Variants in PIEZO1 observed in about 807,000 individuals in gnomAD.
PIEZO1 encodes piezo type mechanosensitive ion channel component 1 (Er blood group).
In PIEZO1, 296 loss-of-function variants were observed where a neutral mutation model predicts 297.2. The observed-to-expected ratio is 1.00, with a 90% CI of 0.91 to 1.10. PIEZO1 has a LOEUF of 1.10. Among genes scored for constraint, PIEZO1 ranks in the 50% least tolerant of loss-of-function variants. The pLI is 0.00. For missense variants in PIEZO1, 5,018 were observed against 3,455.5 expected (o/e 1.45, Z -11.34); for synonymous variants, 2,427 against 1,507.5 (o/e 1.61, Z -14.13).
intron 1 of PIEZO1, 40 bp downstream of exon 1, chr16:88,784,861 G>GC: frequency 7.4e-7 from 1 of 1,352,304 alleles, no homozygotes; most frequent in South Asian, 1.3e-5. Flanking sequence ...CCGAGACGCA[G>GC]CCCCCTCCCG....
intron 1 of PIEZO1, among the ~76,000 whole-genome samples, chr16:88,776,904 G>C (rs542649378): frequency 6.6e-6 from 1 of 152,226 alleles, no homozygotes; most frequent in African/African-American, 2.4e-5. Context: ...GGAGATCTGG[G>C]CCCGGCTCAC....
chr16:88,778,469 G>A (rs1013260007), intron 1 of PIEZO1, among the ~76,000 whole-genome samples: 7 of 152,240 alleles, frequency 4.6e-5, no homozygotes, highest in African/African-American at 1.2e-4. Flanking sequence ...AATACTCCCT[G>A]TAATTATGCT....
chr16:88,736,466 A>C, intron 11 of PIEZO1, 58 bp from the exon 12 acceptor site: 1 of 1,177,542 alleles, frequency 8.5e-7, no homozygotes. Context: ...GCGATGCCCC[A>C]CACCTGCGCG....
chr16:88,741,255 A>C (rs1905633101), intron 5 of PIEZO1: 1 of 500,066 alleles, frequency 2.0e-6, no homozygotes, highest in Non-Finnish European at 3.6e-6. Flanking sequence ...CGGGGCGTGG[A>C]GGTTTCTGAC....
At chr16:88,776,569 G>A (rs1567489161) in intron 1 of PIEZO1, among the ~76,000 whole-genome samples, 2 of 152,228 alleles carry the variant, frequency 1.3e-5, no homozygotes, top group African/African-American at 2.4e-5. Flanking sequence ...CATCTAGGAG[G>A]GGAGGAAGGG....
At position 88,732,424 on chromosome 16, in the gene PIEZO1, C is replaced by G. The variant is rs1032709243; in HGVS notation, c.2902G>C (p.Ala968Pro). The G allele has an allele frequency of 1.9e-6, 3 of 1,549,762 alleles. No individual in the cohort carries two copies. The highest frequency in any genetic ancestry group is 2.4e-5 in the East Asian group (1 of 40,920). Residue 968 changes from alanine to proline, a missense_variant, in exon 21 of 51, where the codon GCC becomes CCC. Transcript: ENST00000301015. Reference sequence around the variant, plus strand: ...TCCAGCTGCTGGCGGGTGCCGCTGGCAAACACGGCCTGGGCAGGCAGCGGG... The same window carrying G: ...TCCAGCTGCTGGCGGGTGCCGCTGGGAAACACGGCCTGGGCAGGCAGCGGG... ...LAPLPAQAVFASGTRQQLDQD... is the reference protein window; with the variant it reads ...LAPLPAQAVFPSGTRQQLDQD...
At chr16:88,736,822 G>C in intron 10 of PIEZO1, 83 bp from the exon 11 acceptor site, 2 of 857,256 alleles carry the variant, frequency 2.3e-6, no homozygotes, top group Non-Finnish European at 1.8e-6. Flanking sequence ...TCTGGGCCCT[G>C]GGCAAGCACA....
chr16:88,745,202 T>G (rs1490250333), intron 2 of PIEZO1: 1 of 152,090 alleles, frequency 6.6e-6, no homozygotes, highest in African/African-American at 2.4e-5. Flanking sequence ...GTGGGTCTCC[T>G]GCCCCCGACT....
At chr16:88,744,881 G>T (rs953132032) in intron 2 of PIEZO1, among the ~76,000 whole-genome samples, 11 of 152,100 alleles carry the variant, frequency 7.2e-5, no homozygotes, top group African/African-American at 2.4e-4. Context: ...GCTGGAGATG[G>T]GAGGGGGCCG....
chr16:88,746,174 G>A (rs1259686081), intron 2 of PIEZO1, among the ~76,000 whole-genome samples: 1 of 152,206 alleles, frequency 6.6e-6, no homozygotes, highest in African/African-American at 2.4e-5. Flanking sequence ...GCGGGGTAGG[G>A]CCACGAGAGG....
chr16:88,751,354 G>A (rs1567684392), intron 1 of PIEZO1, among the ~76,000 whole-genome samples: 1 of 152,218 alleles, frequency 6.6e-6, no homozygotes, highest in African/African-American at 2.4e-5. Context: ...AGGGTCAGGG[G>A]CACACGGCAA....
intron 1 of PIEZO1, among the ~76,000 whole-genome samples, chr16:88,763,302 C>T (rs1421206287): frequency 6.6e-6 from 1 of 152,224 alleles, no homozygotes; most frequent in African/African-American, 2.4e-5. Flanking sequence ...CGGCCCAAGG[C>T]AGAAGCTGGA....
In PIEZO1 at chr16:88,738,306, C is replaced by G. The variant is rs751840512; in HGVS notation, c.769G>C (p.Ala257Pro). ...RLCVAVGCFGAGHLICLYCYQ... is the reference protein window; with the variant it reads ...RLCVAVGCFGPGHLICLYCYQ... Reference sequence around the variant, plus strand: ...CAGTAGAGGCAGATGAGATGGCCGGCGCCGAAGCACCCCACCGCGACGCAG... The same window carrying G: ...CAGTAGAGGCAGATGAGATGGCCGGGGCCGAAGCACCCCACCGCGACGCAG... The change falls in exon 7 of 51, where the codon GCC becomes CCC. Residue 257 changes from alanine to proline, a missense_variant. Transcript: ENST00000301015. 2 of 1,535,750 alleles carry G rather than the reference C, an allele frequency of 1.3e-6. No individual in the cohort carries two copies. The highest frequency in any genetic ancestry group is 4.9e-5 in the East Asian group (2 of 40,934).
At chr16:88,716,529 C>G (rs1440117842) in intron 47 of PIEZO1, 30 bp downstream of exon 47, 3 of 1,536,898 alleles carry the variant, frequency 2.0e-6, no homozygotes, top group Middle Eastern at 3.4e-4. Flanking sequence ...GGTCCACCCA[C>G]CCAGGCACTG....
intron 1 of PIEZO1, among the ~76,000 whole-genome samples, chr16:88,752,730 G>A (rs150644067): frequency 6.6e-6 from 1 of 152,068 alleles, no homozygotes; most frequent in South Asian, 2.1e-4. Flanking sequence ...GAGGACGATG[G>A]GGGCATGGGA....
rs1905737307 is a variant in PIEZO1 at position 88,742,363 on chromosome 16, G to A, written c.220C>T (p.His74Tyr). Reference protein sequence around the residue: ...LGLSLLFLVAHLALQICLHIV... With the variant: ...LGLSLLFLVAYLALQICLHIV... Reference sequence around the variant, plus strand: ...TGCAGGCAGATCTGGAGGGCGAGATGGGCCACCAGGAAGAGCAGGCTGAGG... The same window carrying A: ...TGCAGGCAGATCTGGAGGGCGAGATAGGCCACCAGGAAGAGCAGGCTGAGG... Residue 74 changes from histidine (H) to tyrosine (Y), a missense_variant, in exon 3 of 51, where the codon CAT becomes TAT. By Grantham distance (83) the His-to-Tyr change is moderately conservative. Coordinates refer to ENST00000301015, the MANE Select transcript of PIEZO1 (RefSeq NM_001142864.4). 2 of 1,535,276 alleles carry A rather than the reference G, an allele frequency of 1.3e-6. No homozygotes were observed. Among genetic ancestry groups the A allele is most frequent in the Non-Finnish European group, 1.7e-6 (2 of 1,146,580 alleles).
At position 88,716,448 on chromosome 16, in the gene PIEZO1, T is replaced by G; in HGVS notation, c.6962A>C (p.Asn2321Thr). The G allele has an allele frequency of 6.5e-7, 1 of 1,549,710 alleles. No homozygotes were observed. The highest frequency in any genetic ancestry group is 1.2e-5 in the South Asian group (1 of 83,960). ...GGCCAGGGCCAGCATGTGCTTCTCG[T>G]TGGCATACTCCACAGTGCCTCCCTT... Reference protein sequence around the residue: ...LAKGGTVEYANEKHMLALAPN... With the variant: ...LAKGGTVEYATEKHMLALAPN... The change falls in exon 48 of 51, where the codon AAC becomes ACC. Residue 2321 changes from asparagine (N) to threonine (T), a missense_variant. Coordinates refer to ENST00000301015, the MANE Select transcript of PIEZO1 (RefSeq NM_001142864.4).
intron 1 of PIEZO1, among the ~76,000 whole-genome samples, chr16:88,764,337 G>A (rs1597482007): frequency 6.6e-6 from 1 of 152,266 alleles, no homozygotes; most frequent in South Asian, 2.1e-4. Context: ...CACACCACCA[G>A]CGTCGCTGGA....
At chr16:88,747,151 A>G (rs1400497874) in intron 2 of PIEZO1, among the ~76,000 whole-genome samples, 1 of 151,598 alleles carries the variant, frequency 6.6e-6, no homozygotes, top group African/African-American at 2.4e-5. Context: ...GGATCGCTTG[A>G]GCCCAGGAGG....
Sources: allele counts gnomAD v4.1 joint callset (sites outside exome capture counted in the v4.1 genomes callset), GRCh38; gene constraint gnomAD v4.1.1; transcripts MANE v1.5; gene names NCBI Gene and HGNC (gene_info 2026-07-23, HGNC 2026-07-21).